Variants in ABCA13 observed in about 807,000 individuals in gnomAD.
ABCA13 encodes ATP-binding cassette sub-family A member 13.
In ABCA13, 476 loss-of-function variants were observed where a neutral mutation model predicts 478.7. The ratio of observed to expected loss-of-function variants is 0.99; its 90% CI spans 0.92 to 1.07. The LOEUF is 1.07. Ranked by LOEUF, ABCA13 falls within the 50% of genes least tolerant of loss-of-function variation. ABCA13 has a pLI of 0.00. For synonymous variants in ABCA13, 2,252 were observed against 2,158.9 expected (o/e 1.04, Z -1.20); for missense variants, 6,060 against 5,910.6 (o/e 1.03, Z -0.83).
intron 7 of ABCA13, among the ~76,000 whole-genome samples, chr7:48,230,629 A>G (rs1291288571): frequency 2.0e-5 from 3 of 152,024 alleles, no homozygotes; most frequent in Non-Finnish European, 4.4e-5. Flanking sequence ...TCATCCATCC[A>G]TCCATCTGCC....
chr7:48,456,506 TA>T, intron 43 of ABCA13, among the ~76,000 whole-genome samples: 1 of 152,356 alleles, frequency 6.6e-6, no homozygotes, highest in East Asian at 1.9e-4. Context: ...CAATCACATG[TA>T]ATTTTACCAG....
intron 57 of ABCA13, among the ~76,000 whole-genome samples, chr7:48,589,044 T>A (rs1000907269): frequency 9.2e-5 from 14 of 152,214 alleles, no homozygotes; most frequent in Non-Finnish European, 1.3e-4. Flanking sequence ...GCTTCCCATC[T>A]GTTTCTTTCT....
chr7:48,506,234 A>G (rs1831195935), intron 48 of ABCA13, 102 bp from the exon 49 acceptor site: 1 of 1,293,204 alleles, frequency 7.7e-7, no homozygotes, highest in Non-Finnish European at 1.1e-6. Flanking sequence ...AGCAAGCAGG[A>G]TACATTGTGA....
chr7:48,444,244 C>T (rs1439618533), intron 42 of ABCA13, among the ~76,000 whole-genome samples: 6 of 152,144 alleles, frequency 3.9e-5, no homozygotes, highest in Admixed American at 3.9e-4. Flanking sequence ...AAATCATTTC[C>T]CTCCAGTTGC....
At chr7:48,234,301 A>AG in intron 8 of ABCA13, 150 bp downstream of exon 8, 1 of 954,992 alleles carries the variant, frequency 1.0e-6, no homozygotes, top group Non-Finnish European at 1.7e-6. Context: ...CGCAGAAGAG[A>AG]CCCCTACTGT....
At chr7:48,487,085 C>T (rs1044615075) in intron 47 of ABCA13, among the ~76,000 whole-genome samples, 39 of 151,842 alleles carry the variant, frequency 2.6e-4, no homozygotes, top group African/African-American at 8.7e-4. Flanking sequence ...CCAAAGTGGG[C>T]GGATCACCTG....
chr7:48,571,052 T>G (rs1787597339), intron 55 of ABCA13, among the ~76,000 whole-genome samples: 1 of 152,220 alleles, frequency 6.6e-6, no homozygotes, highest in Non-Finnish European at 1.5e-5. Flanking sequence ...TAATACCAAC[T>G]TAATTTCAAT....
At chr7:48,344,229 C>T (rs932647565) in intron 29 of ABCA13, among the ~76,000 whole-genome samples, 7 of 152,188 alleles carry the variant, frequency 4.6e-5, no homozygotes, top group African/African-American at 1.7e-4. Context: ...TGCCACCTAA[C>T]AGGTAGAGGC....
At chr7:48,270,696 G>C (rs1584534909) in intron 16 of ABCA13, among the ~76,000 whole-genome samples, 1 of 152,162 alleles carries the variant, frequency 6.6e-6, no homozygotes, top group African/African-American at 2.4e-5. Flanking sequence ...TCAGGTCTCA[G>C]CTATCAGGGA....
rs781036100 is a variant in ABCA13 at position 48,281,353 on chromosome 7, AT to A, written c.8740del (p.Cys2914ValfsTer8). The A allele has an allele frequency of 1.2e-6, 2 of 1,603,258 alleles. No individual in the cohort carries two copies. The highest frequency in any genetic ancestry group is 1.7e-6 in the Non-Finnish European group (2 of 1,174,876). ...IPLTDQSVVE[I>X]CEVFQQTVKP... ...TATTTTTTTGCTAAGTGTTGTTGAG[AT>A]TTGTGAAGTTTTCCAGCAGACTGTG... is the stretch of plus-strand genomic sequence containing the variant. On this transcript the variant is annotated frameshift_variant, in exon 19 of 62. Transcript: ENST00000435803. LOFTEE classifies it high-confidence loss of function.
chr7:48,274,578 G>A lies in ABCA13; in HGVS notation c.4912G>A (p.Val1638Met). The A allele has an allele frequency of 1.2e-6, 2 of 1,613,920 alleles. No homozygotes were observed. Among genetic ancestry groups the A allele is most frequent in the Admixed American group, 1.7e-5 (1 of 60,020 alleles). ...TCTTGGTATTCAACTGATAAGGGATGTGTTCAACTCCTTAATGCCTGTAGT... is the reference window on the plus strand; with the variant it reads ...TCTTGGTATTCAACTGATAAGGGATATGTTCAACTCCTTAATGCCTGTAGT... The part of the protein sequence containing the change: ...TGLGIQLIRD[V>M]FNSLMPVVHH... Residue 1638 changes from valine to methionine, a missense_variant, in exon 17 of 62, where the codon GTG becomes ATG. By Grantham distance (21) the Val-to-Met change is conservative (BLOSUM62 1). Coordinates refer to ENST00000435803, the MANE Select transcript of ABCA13 (RefSeq NM_152701.5).
intron 40 of ABCA13, among the ~76,000 whole-genome samples, chr7:48,411,053 C>T (rs868286249): frequency 5.7e-4 from 48 of 83,662 alleles, no homozygotes; most frequent in South Asian, 1.1e-3. Context: ...CTTTCTTTTT[C>T]TTTCTTTCTT....
At chr7:48,229,801 C>A in intron 6 of ABCA13, 24 bp from the exon 7 acceptor site, 1 of 1,613,292 alleles carries the variant, frequency 6.2e-7, no homozygotes, top group Non-Finnish European at 8.5e-7. Flanking sequence ...ACTCATATTG[C>A]TTTTTGTTTT....
chr7:48,496,645 ATT>A (rs1313001251), intron 48 of ABCA13, among the ~76,000 whole-genome samples: 1 of 151,692 alleles, frequency 6.6e-6, no homozygotes, highest in Admixed American at 6.6e-5. Context: ...AAATTTGCTT[ATT>A]TTTTTCAACT....
chr7:48,520,964 T>G (rs76941409), intron 53 of ABCA13, among the ~76,000 whole-genome samples: 1,551 of 152,320 alleles, frequency 0.01, 32 homozygotes, highest in African/African-American at 0.035. Context: ...ATCTTGTTGC[T>G]TATGCTGCTG....
At chr7:48,630,817 GT>G (rs55908191) in intron 59 of ABCA13, among the ~76,000 whole-genome samples, 3,640 of 147,484 alleles carry the variant, frequency 0.025, 152 homozygotes, top group African/African-American at 0.081. Flanking sequence ...GCCAGCATCT[GT>G]TTTTTTTTTT....
At chr7:48,375,181 C>A (rs1246322198) in intron 34 of ABCA13, among the ~76,000 whole-genome samples, 1 of 152,074 alleles carries the variant, frequency 6.6e-6, no homozygotes, top group Non-Finnish European at 1.5e-5. Context: ...AAATGTAATG[C>A]ACTTGAATCA....
intron 29 of ABCA13, among the ~76,000 whole-genome samples, chr7:48,350,046 T>C (rs1808718266): frequency 6.6e-6 from 1 of 152,176 alleles, no homozygotes; most frequent in South Asian, 2.1e-4. Flanking sequence ...GCCCTGAAAA[T>C]GTTTGATGTC....
intron 45 of ABCA13, among the ~76,000 whole-genome samples, chr7:48,473,491 G>T (rs1827743100): frequency 6.6e-6 from 1 of 152,212 alleles, no homozygotes; most frequent in Non-Finnish European, 1.5e-5. Context: ...AATAAATGCC[G>T]CTGAGGACCT....
Sources: gnomAD v4.1 joint callset for allele counts (sites outside exome capture counted in the v4.1 genomes callset) on GRCh38, gnomAD v4.1.1 for gene constraint, MANE v1.5 for transcripts, NCBI Gene and HGNC (gene_info 2026-07-23, HGNC 2026-07-21) for gene names.